The following WBP2 variants were observed in gnomAD, a reference collection of about 807,000 sequenced individuals.
WBP2 encodes the protein WW domain-binding protein 2.
Under a neutral mutation model 33.0 loss-of-function variants are expected in WBP2, and 23 were observed. The ratio of observed to expected loss-of-function variants is 0.70; its 90% CI spans 0.50 to 0.99. The LOEUF is 0.99. WBP2 is among the 50% of genes least tolerant of loss of function. The pLI, the probability that WBP2 is intolerant of heterozygous loss-of-function variation, is 0.00. For missense variants in WBP2, 353 were observed against 358.0 expected (o/e 0.99, Z 0.11); for synonymous variants, 153 against 133.5 (o/e 1.15, Z -1.01).
chr17:75,854,522 C>T (rs1046260290), intron 1 of WBP2, among the ~76,000 whole-genome samples: 2 of 152,152 alleles, frequency 1.3e-5, no homozygotes, highest in African/African-American at 2.4e-5. Context: ...GTGACCCAAA[C>T]CAACAGGCAT....
At chr17:75,851,862 G>C (rs1355998410) in intron 1 of WBP2, 186 bp from the exon 2 acceptor site, 1 of 429,686 alleles carries the variant, frequency 2.3e-6, no homozygotes, top group East Asian at 4.7e-5. Flanking sequence ...AGCACTTTGG[G>C]AGGCCGAGGC....
chr17:75,847,297 A>G (rs2064999260), intron 6 of WBP2, 190 bp downstream of exon 6: 2 of 941,624 alleles, frequency 2.1e-6, no homozygotes, highest in Non-Finnish European at 3.2e-6. Flanking sequence ...TGGATAGCTA[A>G]GGGATGGGGG....
rs931120421 is a variant in WBP2, at chr17:75,847,864, T to A, written c.464A>T (p.Tyr155Phe). The A allele has an allele frequency of 1.3e-6, 2 of 1,556,010 alleles. No individual in the cohort carries two copies. Among genetic ancestry groups the A allele is most frequent in the African/African-American group, 2.7e-5 (2 of 73,166 alleles). ...CATTCCATTGGCGACTGGCGGGGGA[T>A]AGACATAGGCCCCGCTGGGCATGTA... ...YSYMPSGAYV[Y>F]PPPVANGMYP... The change falls in exon 5 of 8, where the codon TAT becomes TTT. Residue 155 changes from tyrosine (Y) to phenylalanine (F), a missense_variant. Tyr to Phe is a conservative substitution (Grantham distance 22). Transcript: ENST00000254806.
chr17:75,846,690 G>T lies in WBP2; in HGVS notation c.*44C>A. On this transcript the variant is annotated 3_prime_UTR_variant, in exon 8 of 8. Coordinates refer to ENST00000254806, the MANE Select transcript of WBP2 (RefSeq NM_012478.4). The surrounding 1 kb of genome is among the most constrained non-coding windows in gnomAD (Gnocchi z 4.8). Reference sequence around the variant, plus strand: ...CCCCAGCACAGCCCCGATGGGAGGGGTAGGGTAGAGAGATGAGGGTGGGAG... The same window carrying T: ...CCCCAGCACAGCCCCGATGGGAGGGTTAGGGTAGAGAGATGAGGGTGGGAG... 6.7e-7 allele frequency: 1 copy of T among 1,503,078 alleles called. No individual in the cohort carries two copies. The highest frequency in any genetic ancestry group is 1.3e-5 in the South Asian group (1 of 76,538). 93.1% of individuals were successfully genotyped at this position (1,503,078 alleles called of 1,614,324 possible). A position where few individuals can be genotyped will look rare whatever the true frequency, so the allele number is the denominator to read the frequency against.
intron 2 of WBP2, among the ~76,000 whole-genome samples, chr17:75,851,026 C>A (rs887387220): frequency 6.6e-6 from 1 of 152,204 alleles, no homozygotes; most frequent in Non-Finnish European, 1.5e-5. Context: ...TAGCCACAGG[C>A]AGCAATCCTT....
intron 3 of WBP2, chr17:75,849,375 C>A (rs1256191776): frequency 5.5e-6 from 3 of 540,770 alleles, no homozygotes; most frequent in East Asian, 3.0e-5. Flanking sequence ...AGTCCGCAGG[C>A]TTCTGCAGAC....
chr17:75,855,502 A>G (rs2065053459), upstream of WBP2: 2 of 600,778 alleles, frequency 3.3e-6, no homozygotes, highest in South Asian at 1.9e-5. Context: ...GATGAAGACT[A>G]CAATTCCCAG....
chr17:75,854,698 T>C (rs910424701), intron 1 of WBP2, among the ~76,000 whole-genome samples: 2 of 152,216 alleles, frequency 1.3e-5, no homozygotes, highest in Non-Finnish European at 2.9e-5. Context: ...TGGTTAATCC[T>C]ATTAACTTTG....
At chr17:75,853,409 C>G (rs1042125986) in intron 1 of WBP2, among the ~76,000 whole-genome samples, 1 of 152,180 alleles carries the variant, frequency 6.6e-6, no homozygotes, top group Admixed American at 6.5e-5. Flanking sequence ...CTTTTTCAGA[C>G]AGCAGGCTGA....
Position 75,846,746 on chromosome 17 carries a change from C to CT in WBP2, c.773dup (p.Lys259GlufsTer55). On this transcript the variant is annotated frameshift_variant, in exon 8 of 8. Coordinates refer to ENST00000254806, the MANE Select transcript of WBP2 (RefSeq NM_012478.4). LOFTEE classifies it high-confidence loss of function. This position sits in a 1 kb window ranked among gnomAD's most constrained non-coding sequence, Gnocchi z 4.8. ...GAGGCAGGAGGGCCTACTGGGTCTT[C>CT]TTATCTTCCGGTGGGTAGTAGGGAG... is the stretch of plus-strand genomic sequence containing the variant. 1.3e-6 allele frequency: 2 copies of CT among 1,529,930 alleles called. No homozygotes were observed. Among genetic ancestry groups the CT allele is most frequent in the Non-Finnish European group, 1.8e-6 (2 of 1,137,012 alleles). The allele number at this position is 1,529,930 out of a possible 1,614,324, so 94.8% of individuals were successfully genotyped here.
Position 75,848,635 on chromosome 17 carries a change from T to A in WBP2, c.332A>T (p.Lys111Met). ...GGCGCCCCCTGCCGTGAAAGTCAAC[T>A]TGTAGGAAGCAGAGCCTTCCCAGCC... Reference protein sequence around the residue: ...GGGWEGSASYKLTFTAGGAIE... With the variant: ...GGGWEGSASYMLTFTAGGAIE... Residue 111 changes from lysine (K) to methionine (M), a missense_variant, in exon 4 of 8, where the codon AAG becomes ATG. Transcript: ENST00000254806. The A allele has an allele frequency of 6.2e-7, 1 of 1,613,982 alleles. No homozygotes were observed. The highest frequency in any genetic ancestry group is 8.5e-7 in the Non-Finnish European group (1 of 1,179,940).
chr17:75,849,694 T>C lies in WBP2; in HGVS notation c.214A>G (p.Met72Val). Residue 72 changes from methionine (M) to valine (V), a missense_variant, in exon 3 of 8, where the codon ATG (methionine) becomes GTG (valine). Physicochemically the swap from Met to Val is conservative, Grantham distance 21. Transcript: ENST00000254806. ...KGKDAMQSFM[M>V]PFYLMKDCEI... ...CAGTCTTTCATGAGATAAAATGGCA[T>C]CATGAAGGACTGCATGGCATCCTTG... 6.2e-7 allele frequency: 1 copy of C among 1,614,164 alleles called. No homozygotes were observed. Among genetic ancestry groups the C allele is most frequent in the Non-Finnish European group, 8.5e-7 (1 of 1,180,016 alleles).
intron 1 of WBP2, among the ~76,000 whole-genome samples, chr17:75,853,193 T>C (rs1240018801): frequency 1.3e-5 from 2 of 151,802 alleles, no homozygotes; most frequent in Non-Finnish European, 2.9e-5. Context: ...ATTACAGGCA[T>C]GCGCCACCAC....
intron 4 of WBP2, chr17:75,848,145 G>C: frequency 1.5e-6 from 1 of 656,152 alleles, no homozygotes; most frequent in Non-Finnish European, 2.6e-6. Context: ...GAAGGCAAGG[G>C]AGGTCAAGGG....
intron 1 of WBP2, 103 bp downstream of exon 1, chr17:75,855,136 G>T: frequency 1.3e-6 from 1 of 757,004 alleles, no homozygotes. Context: ...CACTCCATCA[G>T]TGCTCCCTCT....
chr17:75,846,446 T>C lies in WBP2; in HGVS notation c.*288A>G. The C allele has an allele frequency of 4.1e-6, 2 of 488,504 alleles. No homozygotes were observed. The highest frequency in any genetic ancestry group is 7.4e-6 in the Non-Finnish European group (2 of 271,858). 30.3% of individuals were successfully genotyped at this position (488,504 alleles called of 1,614,324 possible). On this transcript the variant is annotated 3_prime_UTR_variant, in exon 8 of 8. Transcript: ENST00000254806. This position sits in a 1 kb window ranked among gnomAD's most constrained non-coding sequence, Gnocchi z 4.8. ...AGAGAGTCCCTTCGAGGGGAGAAGC[T>C]GAGAGTGAAACAGGAACAGGGGATG...
upstream of WBP2, chr17:75,855,535 G>C (rs1434866740): frequency 7.0e-6 from 4 of 571,070 alleles, no homozygotes; most frequent in Non-Finnish European, 1.3e-5. Flanking sequence ...CCGCAGCCTC[G>C]GCCTGTCCCT....
chr17:75,846,434 G>A lies in WBP2; in HGVS notation c.*300C>T, dbSNP rs541523808. ...GAGGAGGTGGCCAGAGAGTCCCTTC[G>A]AGGGGAGAAGCTGAGAGTGAAACAG... On this transcript the variant is annotated 3_prime_UTR_variant, in exon 8 of 8. Transcript: ENST00000254806. This position sits in a 1 kb window ranked among gnomAD's most constrained non-coding sequence, Gnocchi z 4.8. The A allele has an allele frequency of 1.3e-5, 6 of 462,700 alleles. No homozygotes were observed. The highest frequency in any genetic ancestry group is 1.2e-4 in the Admixed American group (3 of 25,540). The allele number at this position is 462,700 out of a possible 1,614,324, so 28.7% of individuals were successfully genotyped here. A position where few individuals can be genotyped will look rare whatever the true frequency, so the allele number is the denominator to read the frequency against.
At position 75,846,445 on chromosome 17, in the gene WBP2, C is replaced by G. The variant is rs932933097; in HGVS notation, c.*289G>C. The stretch of plus-strand genomic sequence containing the variant: ...CAGAGAGTCCCTTCGAGGGGAGAAG[C>G]TGAGAGTGAAACAGGAACAGGGGAT... On this transcript the variant is annotated 3_prime_UTR_variant, in exon 8 of 8. Transcript: ENST00000254806. The surrounding 1 kb of genome is among the most constrained non-coding windows in gnomAD (Gnocchi z 4.8). 1 of 488,140 alleles carries G rather than the reference C, an allele frequency of 2.0e-6. No individual in the cohort carries two copies. The highest frequency in any genetic ancestry group is 3.7e-6 in the Non-Finnish European group (1 of 271,526). 30.2% of individuals were successfully genotyped at this position (488,140 alleles called of 1,614,324 possible). A position where few individuals can be genotyped will look rare whatever the true frequency, so the allele number is the denominator to read the frequency against.
Sources: gnomAD v4.1 joint callset for allele counts (sites outside exome capture counted in the v4.1 genomes callset) on GRCh38, gnomAD v4.1.1 for gene constraint, Gnocchi (gnomAD v3.1) non-coding constraint, MANE v1.5 for transcripts, NCBI Gene and HGNC (gene_info 2026-07-23, HGNC 2026-07-21) for gene names.